Variants in UNC5D observed in about 807,000 individuals in gnomAD.
The protein encoded by UNC5D is unc-5 netrin receptor D.
Under a neutral mutation model 105.4 loss-of-function variants are expected in UNC5D, and 39 were observed. The ratio of observed to expected loss-of-function variants is 0.37; its 90% CI spans 0.29 to 0.48. The LOEUF (loss-of-function observed/expected upper bound fraction) is 0.48, where lower values mean the gene tolerates loss of function less well. Among genes scored for constraint, UNC5D ranks in the 20% least tolerant of loss-of-function variants. UNC5D has a pLI of 0.98. For missense variants in UNC5D, 991 were observed against 1,202.4 expected (o/e 0.82, Z 2.60); for synonymous variants, 452 against 450.4 (o/e 1.00, Z -0.04).
intron 1 of UNC5D, among the ~76,000 whole-genome samples, chr8:35,514,823 T>C (rs541015927): frequency 4.1e-4 from 62 of 152,376 alleles, no homozygotes; most frequent in African/African-American, 1.4e-3. Flanking sequence ...ACATTCATTT[T>C]TGGAGTTTTC....
At chr8:35,470,019 C>A (rs1176819301) in intron 1 of UNC5D, among the ~76,000 whole-genome samples, 4 of 152,156 alleles carry the variant, frequency 2.6e-5, no homozygotes, top group African/African-American at 9.7e-5. Flanking sequence ...TAGTGCTGGA[C>A]AAATCACTGG....
At position 35,253,812 on chromosome 8, in the gene UNC5D, G is replaced by C. The variant is rs114620133; in HGVS notation, c.103+17925G>C. Among the ~76,000 whole-genome samples, 8 of 152,106 alleles carry C rather than the reference G, an allele frequency of 5.3e-5. No homozygotes were observed. The South Asian group carries it at 1.5e-3, about 28-fold the overall frequency. The stretch of plus-strand genomic sequence containing the variant: ...TCATTTCATTCTTTCATGTGGATAG[G>C]CAGTTGTTCCAGAAGTATATAGTGA... On this transcript the variant is annotated intron_variant, in intron 1 of 16. Transcript: ENST00000404895.
chr8:35,652,613 T>G (rs1464214306), intron 4 of UNC5D, among the ~76,000 whole-genome samples: 1 of 152,100 alleles, frequency 6.6e-6, no homozygotes, highest in African/African-American at 2.4e-5. Context: ...TATGAGTTTT[T>G]TTTTTTCATT....
intron 9 of UNC5D, among the ~76,000 whole-genome samples, chr8:35,724,918 A>G (rs897899800): frequency 6.6e-6 from 1 of 152,118 alleles, no homozygotes; most frequent in African/African-American, 2.4e-5. Context: ...CTGGGTCTTG[A>G]TACAACACAC....
intron 12 of UNC5D, 122 bp from the exon 13 acceptor site, chr8:35,750,460 G>A: frequency 1.1e-6 from 1 of 951,488 alleles, no homozygotes; most frequent in South Asian, 1.5e-5. Context: ...GGATAATTGG[G>A]CAATAGGACT....
At chr8:35,712,397 C>T (rs1828018830) in intron 8 of UNC5D, among the ~76,000 whole-genome samples, 2 of 152,126 alleles carry the variant, frequency 1.3e-5, no homozygotes, top group Admixed American at 1.3e-4. Context: ...TGCATCTTCC[C>T]TACAATTTTA....
chr8:35,504,554 G>A (rs1426279372), intron 1 of UNC5D, among the ~76,000 whole-genome samples: 1 of 152,150 alleles, frequency 6.6e-6, no homozygotes, highest in Non-Finnish European at 1.5e-5. Context: ...GATAAGGAAG[G>A]CCGAGGTTTT....
At chr8:35,496,453 G>A (rs771259199) in intron 1 of UNC5D, among the ~76,000 whole-genome samples, 7 of 152,130 alleles carry the variant, frequency 4.6e-5, no homozygotes, top group African/African-American at 7.2e-5. Context: ...AGTGGCCAGG[G>A]AAAAGAGAAT....
intron 13 of UNC5D, among the ~76,000 whole-genome samples, chr8:35,758,541 A>G (rs1455397759): frequency 6.6e-6 from 1 of 152,154 alleles, no homozygotes; most frequent in Non-Finnish European, 1.5e-5. Context: ...CTGAATATGT[A>G]TTTGTTTTGT....
intron 8 of UNC5D, among the ~76,000 whole-genome samples, chr8:35,710,952 T>TGTTTTGTTTTG (rs1827905759): frequency 0.011 from 1,518 of 134,300 alleles, 75 homozygotes; most frequent in African/African-American, 0.048. Flanking sequence ...TTTTTTTTTT[T>TGTTTTGTTTTG]TTTTGAGACG....
intron 1 of UNC5D, among the ~76,000 whole-genome samples, chr8:35,293,720 G>A (rs1807251474): frequency 6.6e-6 from 1 of 152,174 alleles, no homozygotes; most frequent in Non-Finnish European, 1.5e-5. Context: ...GGATTTGATG[G>A]CGTTCATAGC....
At chr8:35,701,883 G>A (rs1827229030) in intron 7 of UNC5D, among the ~76,000 whole-genome samples, 1 of 148,556 alleles carries the variant, frequency 6.7e-6, no homozygotes. Flanking sequence ...TTTTCCCTTT[G>A]TGATTATCTA....
intron 1 of UNC5D, among the ~76,000 whole-genome samples, chr8:35,269,777 G>A (rs924090690): frequency 2.6e-5 from 4 of 152,302 alleles, no homozygotes; most frequent in Admixed American, 1.3e-4. Flanking sequence ...CAATGACCCA[G>A]TGAAGCAGGT....
At chr8:35,441,959 A>G (rs2128984388) in intron 1 of UNC5D, among the ~76,000 whole-genome samples, 1 of 152,046 alleles carries the variant, frequency 6.6e-6, no homozygotes, top group South Asian at 2.1e-4. Flanking sequence ...TGATTTGTAG[A>G]ATAACAAAAT....
At position 35,533,331 on chromosome 8, in the gene UNC5D, T is replaced by TG. The variant is rs1371240378; in HGVS notation, c.104-15955dup. The stretch of plus-strand genomic sequence containing the variant: ...GTGTGAGGGGTCAGTGTGCCCCTGC[T>TG]GGGGGGTGCCTCCCAGTTAGGCTGC... On this transcript the variant is annotated intron_variant, in intron 1 of 16. Coordinates refer to ENST00000404895, the MANE Select transcript of UNC5D (RefSeq NM_080872.4). Among the ~76,000 whole-genome samples the TG allele has an allele frequency of 5.0e-3, 766 of 152,144 alleles. 8 individuals are homozygous for TG. Among genetic ancestry groups the TG allele is most frequent in the African/African-American group, 0.017 (695 of 41,478 alleles).
intron 9 of UNC5D, chr8:35,724,150 C>G (rs1828733105): frequency 1.4e-6 from 2 of 1,445,710 alleles, no homozygotes; most frequent in Admixed American, 4.8e-5. Flanking sequence ...GGAGTGCTGA[C>G]TTGCCTACAC....
chr8:35,495,010 CAG>C (rs1003151415), intron 1 of UNC5D, among the ~76,000 whole-genome samples: 62 of 151,982 alleles, frequency 4.1e-4, no homozygotes, highest in African/African-American at 1.4e-3. Context: ...GAATGGTACT[CAG>C]GGGATAGAAA....
chr8:35,612,291 C>G (rs1349823192), intron 4 of UNC5D, among the ~76,000 whole-genome samples: 2 of 152,164 alleles, frequency 1.3e-5, no homozygotes, highest in Non-Finnish European at 2.9e-5. Context: ...GCTTCTTGCT[C>G]AGCCCCAAAT....
chr8:35,455,588 A>T (rs1808436360), intron 1 of UNC5D, among the ~76,000 whole-genome samples: 1 of 152,026 alleles, frequency 6.6e-6, no homozygotes, highest in East Asian at 1.9e-4. Context: ...CAAAGGTAGG[A>T]ATGGATATTC....
Sources: gnomAD v4.1 joint callset for allele counts (sites outside exome capture counted in the v4.1 genomes callset) on GRCh38, gnomAD v4.1.1 for gene constraint, MANE v1.5 for transcripts, NCBI Gene and HGNC (gene_info 2026-07-23, HGNC 2026-07-21) for gene names.